MASP1: variants seen among roughly 807,000 people sequenced by gnomAD.
MASP1 encodes MBL associated serine protease 1, also known as mannan-binding lectin serine protease 1.
MASP1 carries 59 observed loss-of-function variants against 77.1 expected under a neutral mutation model. The observed-to-expected ratio is 0.77, with a 90% CI of 0.62 to 0.95. The LOEUF is 0.95. Among genes scored for constraint, MASP1 ranks in the 40% least tolerant of loss-of-function variants. The probability of loss-of-function intolerance (pLI) is 0.00; values close to 1 mark genes in which losing one functional copy is unlikely to be tolerated. For missense variants in MASP1, 885 were observed against 912.9 expected (o/e 0.97, Z 0.39); for synonymous variants, 362 against 354.5 (o/e 1.02, Z -0.24).
At chr3:187,260,706 T>C (rs1280142548) in intron 4 of MASP1, 35 bp downstream of exon 4, 3 of 1,613,962 alleles carry the variant, frequency 1.9e-6, no homozygotes, top group South Asian at 1.1e-5. Flanking sequence ...ATGTGGCCTA[T>C]AAGGGCAATG....
intron 1 of MASP1, among the ~76,000 whole-genome samples, chr3:187,286,614 T>A (rs1717877965): frequency 6.6e-6 from 1 of 152,220 alleles, no homozygotes; most frequent in Non-Finnish European, 1.5e-5. Context: ...CTACAACTTA[T>A]TCCTGTAGGA....
At chr3:187,256,169 G>A (rs1192239769) in intron 5 of MASP1, among the ~76,000 whole-genome samples, 3 of 152,070 alleles carry the variant, frequency 2.0e-5, no homozygotes, top group Admixed American at 6.6e-5. Context: ...GCCTCTTCCC[G>A]CAAGTGGGCC....
At chr3:187,250,502 T>G (rs1714484127) in intron 7 of MASP1, among the ~76,000 whole-genome samples, 173 bp from the exon 8 acceptor site, 1 of 152,152 alleles carries the variant, frequency 6.6e-6, no homozygotes, top group Admixed American at 6.5e-5. Flanking sequence ...CATGCTGAAT[T>G]CATACCTCCT....
chr3:187,277,737 A>C (rs1199375270), intron 2 of MASP1, among the ~76,000 whole-genome samples: 1 of 152,140 alleles, frequency 6.6e-6, no homozygotes, highest in Admixed American at 6.5e-5. Flanking sequence ...CTTTTTTGTA[A>C]ATTAGGTGCA....
rs947705985 is a variant in MASP1 at position 187,235,328 on chromosome 3, T to G, written c.*356A>C. 7 of 1,357,738 alleles carry G rather than the reference T, an allele frequency of 5.2e-6. No homozygotes were observed. In the African/African-American group the frequency reaches 7.3e-5, roughly 14 times the overall value. The allele number at this position is 1,357,738 out of a possible 1,614,324, so 84.1% of individuals were successfully genotyped here. On this transcript the variant is annotated 3_prime_UTR_variant, in exon 11 of 11. Transcript: ENST00000296280. ...TATACCAACAGTAGGACCGATGGGT[T>G]TGATAAGTGGTCAGGAGTGAATAAA...
At chr3:187,259,452 C>G (rs1044986364) in intron 4 of MASP1, among the ~76,000 whole-genome samples, 1 of 152,042 alleles carries the variant, frequency 6.6e-6, no homozygotes, top group African/African-American at 2.4e-5. Context: ...GATGGACATA[C>G]AGTACATAAA....
chr3:187,258,023 G>A (rs1420105342), intron 4 of MASP1, among the ~76,000 whole-genome samples: 1 of 152,158 alleles, frequency 6.6e-6, no homozygotes, highest in Non-Finnish European at 1.5e-5. Context: ...AATTATAAAT[G>A]ATGAAGGAAC....
chr3:187,255,158 G>C (rs374911697), intron 5 of MASP1, among the ~76,000 whole-genome samples: 1 of 152,152 alleles, frequency 6.6e-6, no homozygotes, highest in East Asian at 1.9e-4. Flanking sequence ...CCAATCACAC[G>C]AGCCCATTCA....
chr3:187,253,405 C>A (rs911042218), intron 5 of MASP1, 90 bp from the exon 6 acceptor site: 78 of 1,328,846 alleles, frequency 5.9e-5, no homozygotes, highest in Middle Eastern at 5.5e-4. Flanking sequence ...CCACTGCACT[C>A]TGGGTTTTCT....
intron 12 of MASP1, chr3:187,226,171 C>G (rs1712413419): frequency 1.8e-6 from 1 of 542,742 alleles, no homozygotes; most frequent in Admixed American, 3.1e-5. Context: ...TATCTAGAGG[C>G]CTCCTCATTT....
intron 14 of MASP1, among the ~76,000 whole-genome samples, chr3:187,222,016 T>G (rs982528447): frequency 5.9e-5 from 9 of 152,210 alleles, no homozygotes; most frequent in African/African-American, 1.7e-4. Context: ...TTGCCCTTGC[T>G]GGGAGGAAAC....
chr3:187,271,720 A>G (rs769714079), intron 2 of MASP1, among the ~76,000 whole-genome samples: 1 of 152,160 alleles, frequency 6.6e-6, no homozygotes, highest in Non-Finnish European at 1.5e-5. Flanking sequence ...CTTCCACCCC[A>G]TGGTATAAAA....
intron 5 of MASP1, among the ~76,000 whole-genome samples, chr3:187,254,535 C>T (rs938028255): frequency 2.6e-5 from 4 of 152,068 alleles, no homozygotes; most frequent in Non-Finnish European, 4.4e-5. Context: ...AACAGACAAA[C>T]GCCACTTTGT....
chr3:187,243,750 C>T (rs1285072004), intron 8 of MASP1, 129 bp from the exon 9 acceptor site: 5 of 1,178,298 alleles, frequency 4.2e-6, no homozygotes, highest in Non-Finnish European at 6.3e-6. Context: ...TGTTATAATG[C>T]CTCTGAAGGG....
chr3:187,284,438 C>T (rs1402312140), intron 2 of MASP1, among the ~76,000 whole-genome samples: 1 of 152,200 alleles, frequency 6.6e-6, no homozygotes, highest in Non-Finnish European at 1.5e-5. Context: ...CAGCTTTTCT[C>T]AGCAAATGAT....
exon 16 of MASP1, chr3:187,219,634 G>C (rs1711919066): frequency 4.2e-6 from 1 of 237,340 alleles, no homozygotes; most frequent in Non-Finnish European, 8.5e-6. Flanking sequence ...GTTTGTAAGA[G>C]AGCTTCGTCT....
rs764721542 is a variant in MASP1, at chr3:187,235,933, G to C, written c.1938C>G (p.Asn646Lys). ...SRSGNYSVTE[N>K]MFCAGYYEGG... is the part of the protein sequence containing the mutation. ...CCTCGTAGTAGCCAGCACAGAACAT[G>C]TTCTCCGTGACGCTGTAATTGCCCG... Residue 646 changes from asparagine to lysine, a missense_variant, in exon 11 of 11, where the codon AAC (asparagine) becomes AAG (lysine). Transcript: ENST00000296280. 2 of 1,614,120 alleles carry C rather than the reference G, an allele frequency of 1.2e-6. No homozygotes were observed. The highest frequency in any genetic ancestry group is 1.3e-5 in the African/African-American group (1 of 74,940).
At chr3:187,262,845 A>G (rs1715715480) in intron 2 of MASP1, 125 bp from the exon 3 acceptor site, 3 of 776,722 alleles carry the variant, frequency 3.9e-6, no homozygotes, top group Non-Finnish European at 6.6e-6. Flanking sequence ...AAACCCAAAG[A>G]AAGGAGGTTA....
Position 187,235,377 on chromosome 3 carries a change from C to G in MASP1, c.*307G>C. 1 of 1,436,712 alleles carries G rather than the reference C, an allele frequency of 7.0e-7. No individual in the cohort carries two copies. Among genetic ancestry groups the G allele is most frequent in the Non-Finnish European group, 9.2e-7 (1 of 1,084,934 alleles). The allele number at this position is 1,436,712 out of a possible 1,614,324, so 89.0% of individuals were successfully genotyped here. A position where few individuals can be genotyped will look rare whatever the true frequency, so the allele number is the denominator to read the frequency against. ...AAGGCCACTGGGGTAAGAAGCATGG[C>G]CTGGAAAGGAGTGCTGGGATTGGCA... On this transcript the variant is annotated 3_prime_UTR_variant, in exon 11 of 11. Transcript: ENST00000296280.
Sources: gnomAD v4.1 joint callset for allele counts (sites outside exome capture counted in the v4.1 genomes callset) on GRCh38, gnomAD v4.1.1 for gene constraint, MANE v1.5 for transcripts, NCBI Gene and HGNC (gene_info 2026-07-23, HGNC 2026-07-21) for gene names.